Variants in CADPS observed in about 807,000 individuals in gnomAD.
The protein encoded by CADPS is calcium dependent secretion activator.
CADPS carries 57 observed loss-of-function variants against 167.3 expected under a neutral mutation model. That is an observed-to-expected ratio of 0.34 (90% CI 0.28 to 0.42). The LOEUF (loss-of-function observed/expected upper bound fraction) is 0.42. Among genes scored for constraint, CADPS ranks in the 20% least tolerant of loss-of-function variants. The probability of loss-of-function intolerance (pLI) is 1.00; values close to 1 mark genes in which losing one functional copy is unlikely to be tolerated. For missense variants in CADPS, 1,414 were observed against 1,738.1 expected, an observed-to-expected ratio of 0.81 and a Z score of 3.32; for synonymous variants, 676 against 635.3, an observed-to-expected ratio of 1.06 and a Z score of -0.96.
Position 62,874,927 on chromosome 3 carries a change from G to C in CADPS, c.103C>G (p.Pro35Ala). ...GCCGAGCCCTCGCTGGTACGGCTGG[G>C]AGACAGGCGCGCGCCGGACGGGGCC... ...GSAPSGARLSPSRTSEGSAGS... is the reference protein window; with the variant it reads ...GSAPSGARLSASRTSEGSAGS... The change falls in exon 1 of 30, where the codon CCC becomes GCC. Residue 35 changes from proline (P) to alanine (A), a missense_variant. Transcript: ENST00000383710. The surrounding 1 kb of genome is among the most constrained non-coding windows in gnomAD (Gnocchi z 7.1). The C allele has an allele frequency of 6.7e-7, 1 of 1,501,118 alleles. No individual in the cohort carries two copies. 93.0% of individuals were successfully genotyped at this position (1,501,118 alleles called of 1,614,324 possible).
At position 62,602,424 on chromosome 3, in the gene CADPS, C is replaced by T. The variant is rs2060104774; in HGVS notation, c.1326-9676G>A. Among the ~76,000 whole-genome samples, 1 of 152,034 alleles carries T rather than the reference C, an allele frequency of 6.6e-6. No homozygotes were observed. Among genetic ancestry groups the T allele is most frequent in the Non-Finnish European group, 1.5e-5 (1 of 68,020 alleles). On this transcript the variant is annotated intron_variant, in intron 6 of 29. Coordinates refer to ENST00000383710, the MANE Select transcript of CADPS (RefSeq NM_003716.4). The surrounding 1 kb of genome is among the most constrained non-coding windows in gnomAD (Gnocchi z 4.4). ...TCATAAAATTAACTGTGGGCTTTAACAAGAGAGAAGTGTCATTTCAAGGAA... is the reference window on the plus strand; with the variant it reads ...TCATAAAATTAACTGTGGGCTTTAATAAGAGAGAAGTGTCATTTCAAGGAA...
At chr3:62,634,689 G>A (rs1459657593) in intron 6 of CADPS, among the ~76,000 whole-genome samples, 8 of 152,082 alleles carry the variant, frequency 5.3e-5, no homozygotes. Flanking sequence ...TGAAGCCAAA[G>A]GTATATAAAA....
intron 9 of CADPS, among the ~76,000 whole-genome samples, chr3:62,567,635 C>T (rs767534304): frequency 1.1e-4 from 15 of 132,964 alleles, no homozygotes; most frequent in South Asian, 5.0e-4. Context: ...AATGCAGTGG[C>T]GCAATCTCAG....
intron 6 of CADPS, among the ~76,000 whole-genome samples, chr3:62,620,322 G>C (rs1166608024): frequency 6.6e-6 from 1 of 152,082 alleles, no homozygotes; most frequent in Non-Finnish European, 1.5e-5. Flanking sequence ...GGATCTCATT[G>C]ACTGAGCACC....
intron 13 of CADPS, among the ~76,000 whole-genome samples, chr3:62,528,958 A>G (rs2151925291): frequency 6.6e-6 from 1 of 152,306 alleles, no homozygotes; most frequent in East Asian, 1.9e-4. Context: ...CAGGAGTTCG[A>G]GACCAGCCTG....
chr3:62,613,792 G>A (rs1043226438), intron 6 of CADPS, among the ~76,000 whole-genome samples: 2 of 152,156 alleles, frequency 1.3e-5, no homozygotes, highest in Admixed American at 1.3e-4. Flanking sequence ...CTGAAATGAA[G>A]GAGACAATAA....
At chr3:62,690,745 C>A (rs1174809167) in intron 3 of CADPS, among the ~76,000 whole-genome samples, 2 of 151,808 alleles carry the variant, frequency 1.3e-5, no homozygotes, top group African/African-American at 4.8e-5. Context: ...AACCCACCTG[C>A]CTACTCACAG....
intron 13 of CADPS, among the ~76,000 whole-genome samples, chr3:62,518,818 C>T (rs749399009): frequency 7.2e-5 from 11 of 152,070 alleles, no homozygotes; most frequent in South Asian, 4.2e-4. Flanking sequence ...TTGTCTTTCC[C>T]GGTGTCAGAC....
At position 62,686,703 on chromosome 3, in the gene CADPS, G is replaced by A. The variant is rs181301377; in HGVS notation, c.889-24309C>T. Among the ~76,000 whole-genome samples the A allele has an allele frequency of 2.0e-4, 30 of 152,066 alleles. 1 individual carries two copies. Among genetic ancestry groups the A allele is most frequent in the South Asian group, 8.3e-4 (4 of 4,820 alleles). ...ATGTCCTGTTTATGGAATATATTTC[G>A]TAATGTACCTTGTCTGTCTTGTATT... On this transcript the variant is annotated intron_variant, in intron 3 of 29. Coordinates refer to ENST00000383710, the MANE Select transcript of CADPS (RefSeq NM_003716.4).
chr3:62,657,028 T>C (rs919219860), intron 4 of CADPS, among the ~76,000 whole-genome samples: 4 of 152,140 alleles, frequency 2.6e-5, no homozygotes, highest in African/African-American at 4.8e-5. Context: ...AAGAAGTTCC[T>C]ACTATGTGCT....
intron 11 of CADPS, 50 bp downstream of exon 11, chr3:62,549,853 G>T (rs769167984): frequency 2.8e-6 from 4 of 1,415,792 alleles, no homozygotes; most frequent in South Asian, 2.4e-5. Flanking sequence ...ACTTTGGAAG[G>T]TTTACTTTAC....
intron 21 of CADPS, among the ~76,000 whole-genome samples, chr3:62,483,614 T>C (rs1401404312): frequency 6.6e-6 from 1 of 152,080 alleles, no homozygotes; most frequent in African/African-American, 2.4e-5. Context: ...CAATTATACA[T>C]CTCTACTTGG....
chr3:62,732,627 T>C (rs986667987), intron 3 of CADPS, among the ~76,000 whole-genome samples: 21 of 152,254 alleles, frequency 1.4e-4, no homozygotes, highest in Non-Finnish European at 2.9e-4. Flanking sequence ...TATTCACTGA[T>C]TCACTTATTC....
chr3:62,518,016 C>T (rs1244808664), intron 14 of CADPS, 133 bp downstream of exon 14: 8 of 683,558 alleles, frequency 1.2e-5, no homozygotes, highest in Non-Finnish European at 1.5e-5. Context: ...GATTGATTTG[C>T]TTGTTCTACT....
At chr3:62,768,104 G>C (rs540678450) in intron 1 of CADPS, among the ~76,000 whole-genome samples, 1 of 152,158 alleles carries the variant, frequency 6.6e-6, no homozygotes, top group South Asian at 2.1e-4. Flanking sequence ...CCATGGAGCA[G>C]AGCACATATT....
At chr3:62,482,411 T>C (rs2062142496) in intron 21 of CADPS, among the ~76,000 whole-genome samples, 2 of 152,242 alleles carry the variant, frequency 1.3e-5, no homozygotes, top group African/African-American at 4.8e-5. Flanking sequence ...CCAAGCTCTT[T>C]CTAACTGCTG....
intron 3 of CADPS, among the ~76,000 whole-genome samples, chr3:62,671,187 C>A (rs959374417): frequency 6.6e-6 from 1 of 151,924 alleles, no homozygotes. Flanking sequence ...GCATCATGTC[C>A]CAAATATGAG....
chr3:62,489,699 G>A (rs1160619117), intron 21 of CADPS, among the ~76,000 whole-genome samples: 2 of 152,178 alleles, frequency 1.3e-5, no homozygotes, highest in Non-Finnish European at 2.9e-5. Context: ...TGTGTTGGTA[G>A]TAGTAGTCTC....
chr3:62,515,692 C>T (rs74640592), intron 16 of CADPS, among the ~76,000 whole-genome samples: 2,018 of 152,142 alleles, frequency 0.013, 33 homozygotes, highest in African/African-American at 0.046. Context: ...CAACAGACTG[C>T]TTTATTTTCC....
Sources: gnomAD v4.1 joint callset for allele counts (sites outside exome capture counted in the v4.1 genomes callset) on GRCh38, gnomAD v4.1.1 for gene constraint, Gnocchi (gnomAD v3.1) non-coding constraint, MANE v1.5 for transcripts, NCBI Gene and HGNC (gene_info 2026-07-23, HGNC 2026-07-21) for gene names.